ROBO2: variants seen among roughly 807,000 people sequenced by gnomAD.
ROBO2 encodes the protein roundabout homolog 2.
In ROBO2, 53 loss-of-function variants were observed where a neutral mutation model predicts 160.8. The observed-to-expected ratio is 0.33, with a 90% CI of 0.26 to 0.41. The LOEUF is 0.41. ROBO2 is among the 10% of genes least tolerant of loss of function. The pLI is 1.00. For synonymous variants in ROBO2, 664 were observed against 611.7 expected (o/e 1.09, Z -1.26); for missense variants, 1,577 against 1,722.4 (o/e 0.92, Z 1.49).
chr3:75,926,576 A>T (rs192455281), intron 1 of ROBO2, among the ~76,000 whole-genome samples: 10 of 152,186 alleles, frequency 6.6e-5, no homozygotes, highest in African/African-American at 2.4e-4. Context: ...AATAGAATTC[A>T]TGTGCTCAGG....
Position 76,766,206 on chromosome 3 carries a change from C to G in ROBO2, c.110-331808C>G, listed in dbSNP as rs560498698. Among the ~76,000 whole-genome samples the G allele has an allele frequency of 6.6e-5, 10 of 151,738 alleles. No homozygotes were observed. The South Asian group carries it at 1.9e-3, about 28-fold the overall frequency. ...ATGGGTTCTGTATAAGTCAACGAAACCTCCAACCTAAAAATTTGCGTACAC... is the reference window on the plus strand; with the variant it reads ...ATGGGTTCTGTATAAGTCAACGAAAGCTCCAACCTAAAAATTTGCGTACAC... On this transcript the variant is annotated intron_variant, in intron 2 of 26. Transcript: ENST00000487694.
At chr3:76,403,545 A>G (rs1347459313) in intron 2 of ROBO2, among the ~76,000 whole-genome samples, 1 of 151,516 alleles carries the variant, frequency 6.6e-6, no homozygotes, top group Non-Finnish European at 1.5e-5. Flanking sequence ...TTGAAATGAC[A>G]TCCCCAGAGG....
chr3:77,114,847 T>G (rs879894020), intron 2 of ROBO2, among the ~76,000 whole-genome samples: 1 of 152,210 alleles, frequency 6.6e-6, no homozygotes, highest in Non-Finnish European at 1.5e-5. Flanking sequence ...AAATGTATTT[T>G]ATCTATTTAC....
intron 2 of ROBO2, among the ~76,000 whole-genome samples, chr3:76,825,203 G>A (rs990503904): frequency 6.6e-6 from 1 of 152,152 alleles, no homozygotes; most frequent in African/African-American, 2.4e-5. Flanking sequence ...CAAAGGAGAT[G>A]TGTTTACAGG....
At chr3:77,145,758 A>G (rs979575401) in intron 2 of ROBO2, among the ~76,000 whole-genome samples, 3 of 152,338 alleles carry the variant, frequency 2.0e-5, no homozygotes, top group Admixed American at 1.3e-4. Context: ...CTTTTCTGTC[A>G]CAGCAAATGC....
At position 77,092,661 on chromosome 3, in the gene ROBO2, AT is replaced by A. The variant is rs1323742332; in HGVS notation, c.62-5349del. 1.6e-4 allele frequency among the ~76,000 whole-genome samples: 24 copies of A among 147,408 alleles called. No individual in the cohort carries two copies. The South Asian group carries it at 4.6e-3, about 28-fold the overall frequency. On this transcript the variant is annotated intron_variant, in intron 1 of 25. Transcript: ENST00000461745. ...TGTATATATTTTAACAATATATATT[AT>A]TTTAATTAAAACTTGACTGATTGCC...
intron 2 of ROBO2, among the ~76,000 whole-genome samples, chr3:76,317,000 C>T (rs2072089363): frequency 6.6e-6 from 1 of 152,176 alleles, no homozygotes; most frequent in African/African-American, 2.4e-5. Context: ...TTCTAACCTG[C>T]ATGCTTAAAA....
intron 2 of ROBO2, among the ~76,000 whole-genome samples, chr3:76,609,800 T>C (rs1252183996): frequency 1.3e-5 from 2 of 152,244 alleles, no homozygotes; most frequent in African/African-American, 4.8e-5. Flanking sequence ...TTCTTCCAGA[T>C]CTTGAAGAAA....
chr3:75,949,705 T>C (rs1046279771), intron 2 of ROBO2, among the ~76,000 whole-genome samples: 6 of 152,086 alleles, frequency 3.9e-5, no homozygotes, highest in Non-Finnish European at 5.9e-5. Context: ...CACATGGTGC[T>C]GTATGAGCAC....
chr3:76,095,764 A>C (rs1390161994), intron 2 of ROBO2, among the ~76,000 whole-genome samples: 2 of 113,660 alleles, frequency 1.8e-5, no homozygotes, highest in Non-Finnish European at 4.0e-5. Flanking sequence ...ACACACACAC[A>C]CACACACACA....
intron 2 of ROBO2, among the ~76,000 whole-genome samples, chr3:76,663,162 C>T (rs28548206): frequency 0.031 from 4,712 of 152,090 alleles, 234 homozygotes; most frequent in African/African-American, 0.1. Flanking sequence ...ATGTGAGAGA[C>T]AAAGGAAAAG....
chr3:76,841,573 C>T (rs369982606), intron 2 of ROBO2, among the ~76,000 whole-genome samples: 9 of 151,994 alleles, frequency 5.9e-5, no homozygotes, highest in South Asian at 2.1e-4. Flanking sequence ...TTACTGTACA[C>T]GTAATAAATC....
At chr3:76,657,563 T>C (rs1179893181) in intron 2 of ROBO2, among the ~76,000 whole-genome samples, 1 of 149,696 alleles carries the variant, frequency 6.7e-6, no homozygotes, top group Non-Finnish European at 1.5e-5. Context: ...CTGGGAAACA[T>C]GGTGAAACCC....
At chr3:76,249,763 TGA>T (rs1576093941) in intron 2 of ROBO2, among the ~76,000 whole-genome samples, 2 of 152,072 alleles carry the variant, frequency 1.3e-5, no homozygotes, top group African/African-American at 2.4e-5. Context: ...ACAAATGGAA[TGA>T]GAGAGAGGAA....
intron 2 of ROBO2, among the ~76,000 whole-genome samples, chr3:77,136,704 T>A (rs951504122): frequency 2.6e-5 from 4 of 151,500 alleles, no homozygotes; most frequent in South Asian, 4.2e-4. Context: ...TGGCATGGTC[T>A]TGGCTCACTG....
intron 2 of ROBO2, among the ~76,000 whole-genome samples, chr3:76,993,081 G>C (rs995944993): frequency 6.6e-6 from 1 of 152,072 alleles, no homozygotes; most frequent in Non-Finnish European, 1.5e-5. Context: ...GCCTCCCAAA[G>C]TGCTGGGATA....
intron 2 of ROBO2, among the ~76,000 whole-genome samples, chr3:77,206,077 G>T (rs1158275911): frequency 6.6e-6 from 1 of 151,958 alleles, no homozygotes; most frequent in Non-Finnish European, 1.5e-5. Context: ...GCGTAACTCC[G>T]GTCTCTGCCT....
chr3:76,873,273 C>T (rs1279355337), intron 2 of ROBO2, among the ~76,000 whole-genome samples: 1 of 151,736 alleles, frequency 6.6e-6, no homozygotes, highest in Non-Finnish European at 1.5e-5. Context: ...ATTTCAGAAC[C>T]GGAAAAAGGG....
chr3:76,936,819 T>G (rs1221840711), intron 2 of ROBO2, among the ~76,000 whole-genome samples: 2 of 151,620 alleles, frequency 1.3e-5, no homozygotes, highest in Admixed American at 6.6e-5. Flanking sequence ...CATTCTGCCT[T>G]TAACCTTAGT....
Sources: gnomAD v4.1 joint callset for allele counts (sites outside exome capture counted in the v4.1 genomes callset) on GRCh38, gnomAD v4.1.1 for gene constraint, MANE v1.5 for transcripts, NCBI Gene and HGNC (gene_info 2026-07-23, HGNC 2026-07-21) for gene names.